The following GARRE1 variants were observed in gnomAD, a reference collection of about 807,000 sequenced individuals.
The protein encoded by GARRE1 is granule associated Rac and RHOG effector 1.
GARRE1 carries 49 observed loss-of-function variants against 103.2 expected under a neutral mutation model. That is an observed-to-expected ratio of 0.47 (90% CI 0.38 to 0.60). The LOEUF is 0.60. GARRE1 is among the 20% of genes least tolerant of loss of function. The pLI, the probability that GARRE1 is intolerant of heterozygous loss-of-function variation, is 0.00. For missense variants in GARRE1, 1,199 were observed against 1,370.5 expected, an observed-to-expected ratio of 0.87 and a Z score of 1.98; for synonymous variants, 505 against 532.8, an observed-to-expected ratio of 0.95 and a Z score of 0.72.
At chr19:34,291,648 A>G (rs1397876168) in intron 1 of GARRE1, among the ~76,000 whole-genome samples, 1 of 152,196 alleles carries the variant, frequency 6.6e-6, no homozygotes, top group Non-Finnish European at 1.5e-5. Context: ...TGATAATGCC[A>G]TTAATCTATT....
chr19:34,301,684 A>ATTT (rs766284048), intron 2 of GARRE1, among the ~76,000 whole-genome samples: 4 of 140,190 alleles, frequency 2.9e-5, no homozygotes, highest in African/African-American at 1.0e-4. Context: ...TTATTTGTGG[A>ATTT]TTTTTTTTTT....
At chr19:34,308,238 CTTTTTT>C (rs753284001) in intron 2 of GARRE1, among the ~76,000 whole-genome samples, 1 of 99,498 alleles carries the variant, frequency 1.0e-5, no homozygotes, top group Non-Finnish European at 2.1e-5. Flanking sequence ...CATCCTGTTC[CTTTTTT>C]TTTTTTTTTT....
chr19:34,281,032 A>G (rs1180707364), intron 1 of GARRE1, among the ~76,000 whole-genome samples: 1 of 152,076 alleles, frequency 6.6e-6, no homozygotes, highest in African/African-American at 2.4e-5. Context: ...CAAATGAAGG[A>G]TTAAAGGATT....
At chr19:34,265,926 G>C (rs888753184) in intron 1 of GARRE1, among the ~76,000 whole-genome samples, 2 of 152,228 alleles carry the variant, frequency 1.3e-5, no homozygotes, top group African/African-American at 4.8e-5. Flanking sequence ...TTCACATCTA[G>C]ATCAGTCTGA....
chr19:34,346,538 A>G (rs1285945946), intron 10 of GARRE1, among the ~76,000 whole-genome samples: 1 of 152,178 alleles, frequency 6.6e-6, no homozygotes, highest in Admixed American at 6.5e-5. Context: ...GTTAACGTTC[A>G]GGTTATCAGT....
intron 3 of GARRE1, among the ~76,000 whole-genome samples, chr19:34,326,154 G>T (rs2074110942): frequency 6.6e-6 from 1 of 152,226 alleles, no homozygotes; most frequent in South Asian, 2.1e-4. Flanking sequence ...CTTAGAAAGA[G>T]TCAAACAGTT....
chr19:34,266,458 T>C (rs1356470759), intron 1 of GARRE1, among the ~76,000 whole-genome samples: 3 of 151,936 alleles, frequency 2.0e-5, no homozygotes, highest in African/African-American at 7.2e-5. Flanking sequence ...ATCTCCGGGG[T>C]TCAAGCGATT....
At chr19:34,338,104 T>C (rs2074169185) in intron 8 of GARRE1, among the ~76,000 whole-genome samples, 1 of 152,152 alleles carries the variant, frequency 6.6e-6, no homozygotes, top group Non-Finnish European at 1.5e-5. Context: ...CAAGTCAAAG[T>C]CATGTTAGGG....
intron 1 of GARRE1, among the ~76,000 whole-genome samples, chr19:34,287,154 AAG>A (rs2073892259): frequency 6.6e-6 from 1 of 151,488 alleles, no homozygotes; most frequent in African/African-American, 2.4e-5. Flanking sequence ...AAAAAAAAAA[AAG>A]TGTATTCTCT....
At chr19:34,350,936 C>T (rs1443720771) in intron 12 of GARRE1, among the ~76,000 whole-genome samples, 1 of 152,068 alleles carries the variant, frequency 6.6e-6, no homozygotes, top group African/African-American at 2.4e-5. Flanking sequence ...CGGTGGCTCA[C>T]ACCTGCAATC....
Position 34,327,987 on chromosome 19 carries a change from C to T in GARRE1, c.943-3C>T. ...TCTCCTCTTCCATCCATGCCTTTTC[C>T]AGGGCTGCTGCAGCGAGGCGGAAGC... On this transcript the variant is annotated splice_polypyrimidine_tract_variant and splice_region_variant and intron_variant, in intron 5 of 13. Transcript: ENST00000299505. The T allele has an allele frequency of 1.9e-6, 3 of 1,614,118 alleles. No homozygotes were observed. Among genetic ancestry groups the T allele is most frequent in the Non-Finnish European group, 1.7e-6 (2 of 1,180,034 alleles).
intron 7 of GARRE1, among the ~76,000 whole-genome samples, chr19:34,332,142 G>T (rs1161175768): frequency 1.3e-5 from 2 of 152,092 alleles, no homozygotes; most frequent in Non-Finnish European, 2.9e-5. Context: ...TGTTTCAAGC[G>T]GGTTAGGGCT....
chr19:34,342,712 T>G (rs893900679), intron 10 of GARRE1, among the ~76,000 whole-genome samples: 3 of 152,214 alleles, frequency 2.0e-5, no homozygotes, highest in African/African-American at 7.2e-5. Flanking sequence ...GAGAGGTTAC[T>G]TGAACAGCTC....
intron 2 of GARRE1, among the ~76,000 whole-genome samples, chr19:34,309,419 T>C (rs2074026863): frequency 2.6e-5 from 4 of 152,326 alleles, no homozygotes; most frequent in Admixed American, 2.0e-4. Context: ...CTTGGTTGAT[T>C]GGGATTTACT....
chr19:34,344,644 A>G (rs2074202174), intron 10 of GARRE1, among the ~76,000 whole-genome samples: 2 of 151,296 alleles, frequency 1.3e-5, no homozygotes, highest in African/African-American at 4.9e-5. Context: ...CATTTGTTAC[A>G]GGAGGGAAGT....
Position 34,330,269 on chromosome 19 carries a change from G to A in GARRE1, c.1185G>A (p.Val395=). 5.0e-6 allele frequency: 8 copies of A among 1,614,206 alleles called. No homozygotes were observed. Among genetic ancestry groups the A allele is most frequent in the Non-Finnish European group, 6.8e-6 (8 of 1,180,034 alleles). ...TSRDDFPVTE[V]LNQVCPSTWR... ...GGGATGATTTTCCTGTGACTGAAGTGCTGAACCAGGTTTGCCCTTCCACAT... is the reference window on the plus strand; with the variant it reads ...GGGATGATTTTCCTGTGACTGAAGTACTGAACCAGGTTTGCCCTTCCACAT... Residue 395 remains valine, a synonymous_variant, in exon 7 of 14, where the codon GTG becomes GTA. Transcript: ENST00000299505.
chr19:34,292,675 A>G (rs572516470), intron 1 of GARRE1, among the ~76,000 whole-genome samples: 1 of 152,102 alleles, frequency 6.6e-6, no homozygotes, highest in African/African-American at 2.4e-5. Context: ...TCCTGGTTCA[A>G]CCAATTCTCC....
At chr19:34,348,112 G>A in intron 11 of GARRE1, 70 bp downstream of exon 11, 1 of 1,286,496 alleles carries the variant, frequency 7.8e-7, no homozygotes, top group Non-Finnish European at 1.0e-6. Flanking sequence ...TGTGAGAAGA[G>A]AGGCTCCTTG....
chr19:34,285,949 A>G (rs2073883495), intron 1 of GARRE1, among the ~76,000 whole-genome samples: 2 of 152,194 alleles, frequency 1.3e-5, no homozygotes. Context: ...CCCAGGCGTG[A>G]CTGTGATACT....
Sources: gnomAD v4.1 joint callset for allele counts (sites outside exome capture counted in the v4.1 genomes callset) on GRCh38, gnomAD v4.1.1 for gene constraint, MANE v1.5 for transcripts, NCBI Gene and HGNC (gene_info 2026-07-23, HGNC 2026-07-21) for gene names.